DROSHA: variants seen among roughly 807,000 people sequenced by gnomAD.
DROSHA encodes the protein ribonuclease 3.
A neutral mutation model predicts 181.9 loss-of-function variants in DROSHA; 56 were observed. The observed-to-expected ratio is 0.31, with a 90% confidence interval of 0.25 to 0.38. The LOEUF (loss-of-function observed/expected upper bound fraction) is 0.38. Among genes scored for constraint, DROSHA ranks in the 10% least tolerant of loss-of-function variants. The pLI is 1.00. For missense variants in DROSHA, 1,218 were observed against 1,743.5 expected (o/e 0.70, Z 5.37); for synonymous variants, 524 against 591.2 (o/e 0.89, Z 1.65).
chr5:31,512,590 A>AAT (rs1490563426), intron 8 of DROSHA, among the ~76,000 whole-genome samples: 1 of 152,164 alleles, frequency 6.6e-6, no homozygotes, highest in Non-Finnish European at 1.5e-5. Flanking sequence ...CCAGAAATTA[A>AAT]ATATATATGT....
chr5:31,446,372 G>A (rs541131207), intron 23 of DROSHA, among the ~76,000 whole-genome samples: 43 of 146,230 alleles, frequency 2.9e-4, no homozygotes, highest in South Asian at 2.2e-3. Flanking sequence ...GCGTGAACCC[G>A]GGAGGTAGAG....
intron 10 of DROSHA, among the ~76,000 whole-genome samples, chr5:31,508,199 T>C (rs1738216047): frequency 6.6e-6 from 1 of 152,194 alleles, no homozygotes; most frequent in African/African-American, 2.4e-5. Flanking sequence ...AGCTCAAACA[T>C]GCTTAACAAG....
intron 5 of DROSHA, among the ~76,000 whole-genome samples, chr5:31,523,703 G>A (rs368268078): frequency 2.2e-4 from 33 of 152,066 alleles, no homozygotes; most frequent in Admixed American, 5.2e-4. Flanking sequence ...AGCCAGGAGC[G>A]GTGGCTCACA....
chr5:31,443,256 G>A (rs1264121921), intron 23 of DROSHA, among the ~76,000 whole-genome samples: 3 of 151,894 alleles, frequency 2.0e-5, no homozygotes, highest in Admixed American at 6.6e-5. Context: ...GACCTCAGGT[G>A]ATCCACCCAC....
chr5:31,527,327 C>A (rs1561302917), intron 4 of DROSHA, among the ~76,000 whole-genome samples: 1 of 151,988 alleles, frequency 6.6e-6, no homozygotes, highest in Non-Finnish European at 1.5e-5. Flanking sequence ...GGGATTACCA[C>A]CCCCCCTCTG....
intron 17 of DROSHA, among the ~76,000 whole-genome samples, chr5:31,471,515 C>T (rs1418704315): frequency 6.6e-6 from 1 of 151,504 alleles, no homozygotes; most frequent in Non-Finnish European, 1.5e-5. Flanking sequence ...AATTTTAAAA[C>T]AAAAAACTTA....
chr5:31,482,483 G>A (rs1318401370), intron 16 of DROSHA, among the ~76,000 whole-genome samples: 1 of 152,194 alleles, frequency 6.6e-6, no homozygotes, highest in Non-Finnish European at 1.5e-5. Flanking sequence ...CAGAAAGTGA[G>A]ATAATGGAGT....
chr5:31,430,309 T>C (rs1453868881), intron 26 of DROSHA, among the ~76,000 whole-genome samples: 2 of 152,186 alleles, frequency 1.3e-5, no homozygotes, highest in African/African-American at 2.4e-5. Flanking sequence ...ACTTATGTCC[T>C]GGGTACCATG....
intron 5 of DROSHA, among the ~76,000 whole-genome samples, chr5:31,525,522 AAAAAAAG>A (rs1356100320): frequency 6.6e-6 from 1 of 151,074 alleles, no homozygotes; most frequent in African/African-American, 2.4e-5. Context: ...AAAAAAAAAA[AAAAAAAG>A]ATATTTTGAA....
At chr5:31,426,626 C>G (rs1343433339) in intron 27 of DROSHA, among the ~76,000 whole-genome samples, 1 of 151,874 alleles carries the variant, frequency 6.6e-6, no homozygotes, top group Non-Finnish European at 1.5e-5. Context: ...CAGAAACATA[C>G]AAATAATAAG....
intron 13 of DROSHA, among the ~76,000 whole-genome samples, chr5:31,487,644 A>C (rs1299724980): frequency 6.6e-6 from 1 of 152,214 alleles, no homozygotes; most frequent in African/African-American, 2.4e-5. Flanking sequence ...GAAAGAAACA[A>C]ATTTTAATTC....
At position 31,532,056 on chromosome 5, in the gene DROSHA, A is replaced by G. The variant is rs559719183; in HGVS notation, c.-316T>C. 2.7e-6 allele frequency: 1 copy of G among 371,258 alleles called. No homozygotes were observed. The highest frequency in any genetic ancestry group is 2.2e-5 in the African/African-American group (1 of 45,826). 23.0% of individuals were successfully genotyped at this position (371,258 alleles called of 1,614,324 possible). On this transcript the variant is annotated 5_prime_UTR_variant, in exon 1 of 36. Coordinates refer to ENST00000344624, the MANE Select transcript of DROSHA (RefSeq NM_001382508.1). Reference sequence around the variant, plus strand: ...AGCCAGGCTACTACCGCAGGTACCAAGACAGTGGCACCGCCCGCGCCTCCG... The same window carrying G: ...AGCCAGGCTACTACCGCAGGTACCAGGACAGTGGCACCGCCCGCGCCTCCG...
chr5:31,469,286 G>A (rs2150027415), intron 17 of DROSHA, among the ~76,000 whole-genome samples: 2 of 152,228 alleles, frequency 1.3e-5, no homozygotes, highest in Admixed American at 1.3e-4. Flanking sequence ...GAACCCGGGA[G>A]GCGGAGGTTG....
Position 31,508,783 on chromosome 5 carries a change from G to C in DROSHA, c.1433-8C>G. 6.2e-7 allele frequency: 1 copy of C among 1,602,520 alleles called. No homozygotes were observed. The highest frequency in any genetic ancestry group is 8.5e-7 in the Non-Finnish European group (1 of 1,174,770). On this transcript the variant is annotated splice_polypyrimidine_tract_variant and splice_region_variant and intron_variant, in intron 9 of 35. Coordinates refer to ENST00000344624, the MANE Select transcript of DROSHA (RefSeq NM_001382508.1). ...CGGATTCACTGGAACTCTCTAACAG[G>C]GGTTGGGAGAAAAATACAGAAATTG...
chr5:31,467,890 G>A, intron 18 of DROSHA, 49 bp downstream of exon 18: 1 of 1,594,868 alleles, frequency 6.3e-7, no homozygotes, highest in Non-Finnish European at 8.6e-7. Flanking sequence ...TAATTTGGCT[G>A]TTAGTAGAAG....
intron 6 of DROSHA, among the ~76,000 whole-genome samples, chr5:31,517,863 A>T (rs1739439143): frequency 6.6e-6 from 1 of 152,162 alleles, no homozygotes; most frequent in Admixed American, 6.6e-5. Context: ...CCAGTCGTTC[A>T]AAGACGAACC....
In DROSHA at chr5:31,422,948, C is replaced by G; in HGVS notation, c.3262-4G>C. ...GATCAGTATTTGGCTCTTGTAGCTA[C>G]AGGAAAATAGAAATAAATAAAAATC... On this transcript the variant is annotated splice_region_variant and splice_polypyrimidine_tract_variant and intron_variant, in intron 28 of 35. Transcript: ENST00000344624. The G allele has an allele frequency of 1.9e-6, 3 of 1,554,202 alleles. No individual in the cohort carries two copies. Among genetic ancestry groups the G allele is most frequent in the Non-Finnish European group, 2.6e-6 (3 of 1,154,402 alleles).
At chr5:31,454,536 G>T (rs939824280) in intron 20 of DROSHA, among the ~76,000 whole-genome samples, 3 of 152,086 alleles carry the variant, frequency 2.0e-5, no homozygotes, top group African/African-American at 4.8e-5. Context: ...ATTTCATTTG[G>T]TTTATTTAAT....
intron 1 of DROSHA, 31 bp from the exon 2 acceptor site, chr5:31,531,556 T>G (rs1489392287): frequency 6.6e-6 from 1 of 152,190 alleles, no homozygotes; most frequent in Admixed American, 6.5e-5. Flanking sequence ...AGAACGTCAG[T>G]GCATGTAAAA....
Sources: gnomAD v4.1 joint callset for allele counts (sites outside exome capture counted in the v4.1 genomes callset) on GRCh38, gnomAD v4.1.1 for gene constraint, MANE v1.5 for transcripts, NCBI Gene and HGNC (gene_info 2026-07-23, HGNC 2026-07-21) for gene names.